Variants in SLC36A4 observed in about 807,000 individuals in gnomAD.
SLC36A4 encodes neutral amino acid uniporter 4.
Under a neutral mutation model 50.5 loss-of-function variants are expected in SLC36A4, and 49 were observed. The observed-to-expected ratio is 0.97, with a 90% confidence interval of 0.77 to 1.23. The LOEUF (loss-of-function observed/expected upper bound fraction) is 1.23, where lower values mean the gene tolerates loss of function less well. Ranked by LOEUF, SLC36A4 falls within the 50% of genes most tolerant of loss-of-function variation. The pLI is 0.00. For synonymous variants in SLC36A4, 207 were observed against 206.5 expected (o/e 1.00, Z -0.02); for missense variants, 611 against 608.4 (o/e 1.00, Z -0.05).
intron 1 of SLC36A4, among the ~76,000 whole-genome samples, chr11:93,189,130 T>C (rs1862109026): frequency 6.6e-6 from 1 of 152,014 alleles, no homozygotes; most frequent in East Asian, 1.9e-4. Context: ...TGGTGCGATC[T>C]TGGCTCACTG....
At chr11:93,182,737 A>G (rs1189889829) in intron 4 of SLC36A4, 69 bp downstream of exon 4, 2 of 1,155,514 alleles carry the variant, frequency 1.7e-6, no homozygotes, top group African/African-American at 1.5e-5. Flanking sequence ...ACAGTAGAAT[A>G]TAAGACTATC....
In SLC36A4 at chr11:93,179,598, GA is replaced by G. The variant is rs200045814; in HGVS notation, c.540+1198del. On this transcript the variant is annotated intron_variant, in intron 6 of 10. Coordinates refer to ENST00000326402, the MANE Select transcript of SLC36A4 (RefSeq NM_152313.4). ...CTAGATGCTGAGACATGGTACACTGGAAAAAAAACTGACCAGAAATCCAAGC... is the reference window on the plus strand; with the variant it reads ...CTAGATGCTGAGACATGGTACACTGGAAAAAAACTGACCAGAAATCCAAGC... 3.5e-3 allele frequency among the ~76,000 whole-genome samples: 528 copies of G among 151,740 alleles called. 2 individuals are homozygous for G. Among genetic ancestry groups the G allele is most frequent in the Non-Finnish European group, 4.3e-3 (291 of 67,862 alleles).
rs1272935211 is a variant in SLC36A4, at chr11:93,182,867, C to T, written c.298G>A (p.Gly100Arg). 6.2e-7 allele frequency: 1 copy of T among 1,611,712 alleles called. No individual in the cohort carries two copies. The highest frequency in any genetic ancestry group is 2.2e-5 in the East Asian group (1 of 44,636). Residue 100 changes from glycine to arginine, a missense_variant, in exon 4 of 11, where the codon GGA becomes AGA. Physicochemically the swap from Gly to Arg is moderately radical, Grantham distance 125. Coordinates refer to ENST00000326402, the MANE Select transcript of SLC36A4 (RefSeq NM_152313.4). ...TGCATACAGTGAACAGAAATAATTC[C>T]TATAAACACAAGGCTGATTGGTCCA... ...VLGPISLVFI[G>R]IISVHCMHIL... is the part of the protein sequence containing the mutation.
At chr11:93,148,909 G>A in intron 10 of SLC36A4, 65 bp from the exon 11 acceptor site, 1 of 1,381,590 alleles carries the variant, frequency 7.2e-7, no homozygotes, top group East Asian at 2.5e-5. Flanking sequence ...AATATTAACA[G>A]TAAGTATTTT....
chr11:93,172,481 A>G (rs1344114766), intron 6 of SLC36A4, among the ~76,000 whole-genome samples: 1 of 150,692 alleles, frequency 6.6e-6, no homozygotes, highest in Non-Finnish European at 1.5e-5. Context: ...GTTTTAGGGT[A>G]CATGTGCACA....
intron 9 of SLC36A4, among the ~76,000 whole-genome samples, chr11:93,156,523 G>A (rs774851086): frequency 1.5e-4 from 23 of 151,322 alleles, no homozygotes; most frequent in Non-Finnish European, 2.2e-4. Context: ...CAGTTCAAGC[G>A]ATTCTCCTGC....
At chr11:93,185,863 A>G (rs767550791) in intron 1 of SLC36A4, 49 bp from the exon 2 acceptor site, 1 of 1,501,836 alleles carries the variant, frequency 6.7e-7, no homozygotes, top group Non-Finnish European at 8.9e-7. Flanking sequence ...AAAAAGTTGG[A>G]TAAAGCTGGT....
chr11:93,190,254 G>A (rs1252105763), intron 1 of SLC36A4, among the ~76,000 whole-genome samples: 2 of 151,832 alleles, frequency 1.3e-5, no homozygotes, highest in African/African-American at 4.8e-5. Context: ...AATTATTCCT[G>A]GGTACAAAAA....
At position 93,144,517 on chromosome 11, in the gene SLC36A4, T is replaced by C. The variant is rs1169184461; in HGVS notation, c.*4020A>G. On this transcript the variant is annotated 3_prime_UTR_variant, in exon 11 of 11. Coordinates refer to ENST00000326402, the MANE Select transcript of SLC36A4 (RefSeq NM_152313.4). ...GATTTGTGTGTGTGTCTGCATATAC[T>C]TGTGCACGCATGCATGTAGGAACTA... The C allele has an allele frequency of 6.6e-6, 1 of 152,084 alleles. No homozygotes were observed. Among genetic ancestry groups the C allele is most frequent in the Non-Finnish European group, 1.5e-5 (1 of 67,982 alleles). 9.4% of individuals were successfully genotyped at this position (152,084 alleles called of 1,614,324 possible).
intron 6 of SLC36A4, among the ~76,000 whole-genome samples, chr11:93,175,834 C>G (rs1248862712): frequency 1.8e-5 from 1 of 55,286 alleles, no homozygotes; most frequent in Non-Finnish European, 3.5e-5. Context: ...AATTTCTGTT[C>G]TTTTACATTT....
rs962858076 is a variant in SLC36A4, at chr11:93,174,681, C to T, written c.540+6116G>A. On this transcript the variant is annotated intron_variant, in intron 6 of 10. Transcript: ENST00000326402. ...AAGGGTTGTTGAATTTTGTCAAAGG[C>T]TTTTTCTGCATCTATTGAGATAATC... is the stretch of plus-strand genomic sequence containing the variant. 2.2e-5 allele frequency among the ~76,000 whole-genome samples: 3 copies of T among 136,246 alleles called. No homozygotes were observed. In the Admixed American group the frequency reaches 2.3e-4, roughly 11 times the overall value. 89.4% of individuals were successfully genotyped at this position (136,246 alleles called of 152,430 possible). A position where few individuals can be genotyped will look rare whatever the true frequency, so the allele number is the denominator to read the frequency against.
At chr11:93,191,806 G>A (rs1447170629) in intron 1 of SLC36A4, among the ~76,000 whole-genome samples, 3 of 152,230 alleles carry the variant, frequency 2.0e-5, no homozygotes, top group East Asian at 1.9e-4. Flanking sequence ...GATGCAAAGA[G>A]GAATAAGCCC....
In SLC36A4 at chr11:93,175,045, T is replaced by A. The variant is rs1861390100; in HGVS notation, c.540+5752A>T. 2.6e-5 allele frequency among the ~76,000 whole-genome samples: 4 copies of A among 151,942 alleles called. No individual in the cohort carries two copies. The South Asian group carries it at 8.3e-4, about 32-fold the overall frequency. On this transcript the variant is annotated intron_variant, in intron 6 of 10. Transcript: ENST00000326402. ...TGGTACCAGTTCCTCCTTGTACCTC[T>A]GGTAGAATTCGGCTGTGAATCCATC... is the stretch of plus-strand genomic sequence containing the variant.
At chr11:93,160,137 G>A in intron 9 of SLC36A4, 1 of 985,362 alleles carries the variant, frequency 1.0e-6, no homozygotes, top group Non-Finnish European at 1.2e-6. Context: ...TGCCATGACT[G>A]TAAAAAGACA....
At chr11:93,197,588 T>C in intron 1 of SLC36A4, 190 bp downstream of exon 1, 1 of 625,284 alleles carries the variant, frequency 1.6e-6, no homozygotes, top group African/African-American at 2.0e-5. Context: ...TATTCAGGCC[T>C]GGGCTTCGTC....
At chr11:93,192,357 G>T (rs746169770) in intron 1 of SLC36A4, among the ~76,000 whole-genome samples, 1 of 152,094 alleles carries the variant, frequency 6.6e-6, no homozygotes, top group Non-Finnish European at 1.5e-5. Context: ...AGGAGGGCAG[G>T]GTAGCCAGAG....
At chr11:93,153,927 T>G in intron 10 of SLC36A4, 181 bp downstream of exon 10, 1 of 325,290 alleles carries the variant, frequency 3.1e-6, no homozygotes, top group Non-Finnish European at 5.5e-6. Context: ...TTTTCTTATG[T>G]AGTAGTAGAA....
intron 10 of SLC36A4, among the ~76,000 whole-genome samples, chr11:93,150,015 T>C (rs1565213231): frequency 1.3e-5 from 2 of 152,070 alleles, no homozygotes; most frequent in East Asian, 1.9e-4. Flanking sequence ...TTCCAAACTG[T>C]TGATGAGTTT....
chr11:93,184,612 T>C, intron 2 of SLC36A4, 92 bp from the exon 3 acceptor site: 1 of 756,878 alleles, frequency 1.3e-6, no homozygotes, highest in East Asian at 2.6e-5. Context: ...AACTGAAAAT[T>C]AATCTAGGCA....
Sources: allele counts gnomAD v4.1 joint callset (sites outside exome capture counted in the v4.1 genomes callset), GRCh38; gene constraint gnomAD v4.1.1; transcripts MANE v1.5; gene names NCBI Gene and HGNC (gene_info 2026-07-23, HGNC 2026-07-21).